The following KCNQ1 variants were observed in gnomAD, a reference collection of about 807,000 sequenced individuals.
KCNQ1 encodes potassium voltage-gated channel subfamily Q member 1, also known as potassium voltage-gated channel subfamily KQT member 1.
KCNQ1 carries 49 observed loss-of-function variants against 72.4 expected under a neutral mutation model. The ratio of observed to expected loss-of-function variants is 0.68; its 90% CI spans 0.54 to 0.86. The LOEUF is 0.86. KCNQ1 is among the 40% of genes least tolerant of loss of function. The pLI, the probability that KCNQ1 is intolerant of heterozygous loss-of-function variation, is 0.00. For missense variants in KCNQ1, 790 were observed against 945.1 expected, an observed-to-expected ratio of 0.84 and a Z score of 2.15; for synonymous variants, 450 against 412.6, an observed-to-expected ratio of 1.09 and a Z score of -1.10.
At chr11:2,629,825 G>A (rs903811209) in intron 10 of KCNQ1, 1 of 397,070 alleles carries the variant, frequency 2.5e-6, no homozygotes, top group African/African-American at 2.1e-5. Flanking sequence ...GGTTTTTTTT[G>A]TGGAGTCTGT....
rs1400731790 is a variant in KCNQ1, at chr11:2,450,261, C to T, written c.386+4777C>T. Among the ~76,000 whole-genome samples the T allele has an allele frequency of 1.3e-5, 2 of 152,194 alleles. No homozygotes were observed. Among genetic ancestry groups the T allele is most frequent in the African/African-American group, 4.8e-5 (2 of 41,446 alleles). ...AGACAGCTCCCAAGGGCGGTGATGC[C>T]AGGAGAACATTCCAGGCCCAGGAAG... On this transcript the variant is annotated intron_variant, in intron 1 of 15. Transcript: ENST00000155840. This position sits in a 1 kb window ranked among gnomAD's most constrained non-coding sequence, Gnocchi z 7.9.
chr11:2,689,214 TGCAGTGGTTTAG>T (rs1340151979), intron 11 of KCNQ1: 2 of 398,700 alleles, frequency 5.0e-6, no homozygotes, highest in Non-Finnish European at 8.8e-6. Context: ...CTGACTTTGA[TGCAGTGGTTTAG>T]GCCAAGCTTT....
Position 2,579,369 on chromosome 11 carries a change from C to T in KCNQ1, c.922-4066C>T, listed in dbSNP as rs1375870799. On this transcript the variant is annotated intron_variant, in intron 6 of 15. Coordinates refer to ENST00000155840, the MANE Select transcript of KCNQ1 (RefSeq NM_000218.3). The surrounding 1 kb of genome is among the most constrained non-coding windows in gnomAD (Gnocchi z 6.0). ...ACCAGTGGGGTGTGCGTTCCCCGCT[C>T]GCCCCCACAGTTCCTGCCATGGGCG... 4.6e-5 allele frequency among the ~76,000 whole-genome samples: 7 copies of T among 152,184 alleles called. No homozygotes were observed. Among genetic ancestry groups the T allele is most frequent in the Non-Finnish European group, 1.0e-4 (7 of 68,032 alleles).
intron 11 of KCNQ1, among the ~76,000 whole-genome samples, chr11:2,730,033 TGCTGGGACCCCGAGA>T (rs1845826286): frequency 6.6e-6 from 1 of 152,076 alleles, no homozygotes; most frequent in South Asian, 2.1e-4. Flanking sequence ...GAGACCCATG[TGCTGGGACCCCGAGA>T]GCTAGGACAC....
Position 2,495,044 on chromosome 11 carries a change from G to A in KCNQ1, c.387-32884G>A, listed in dbSNP as rs974550620. 5.9e-5 allele frequency among the ~76,000 whole-genome samples: 9 copies of A among 152,016 alleles called. No individual in the cohort carries two copies. The South Asian group carries it at 6.2e-4, about 11-fold the overall frequency. On this transcript the variant is annotated intron_variant, in intron 1 of 15. Coordinates refer to ENST00000155840, the MANE Select transcript of KCNQ1 (RefSeq NM_000218.3). This position sits in a 1 kb window ranked among gnomAD's most constrained non-coding sequence, Gnocchi z 4.6. ...TTGTTGTTGGTCTATTCAGGGATTC[G>A]ACTTTTTCCTGGTTTAGTCTTGGAG...
At position 2,573,093 on chromosome 11, in the gene KCNQ1, C is replaced by G. The variant is rs543791519; in HGVS notation, c.921+107C>G. On this transcript the variant is annotated intron_variant, in intron 6 of 15. Transcript: ENST00000155840. Reference sequence around the variant, plus strand: ...AGACTTCGGGCCTTGGCAGGGGCTTCTCACCTGCACGCTCACAGGCCTCTG... The same window carrying G: ...AGACTTCGGGCCTTGGCAGGGGCTTGTCACCTGCACGCTCACAGGCCTCTG... The G allele has an allele frequency of 3.8e-6, 5 of 1,304,578 alleles. No homozygotes were observed. In the East Asian group the frequency reaches 1.2e-4, roughly 32 times the overall value. The allele number at this position is 1,304,578 out of a possible 1,614,324, so 80.8% of individuals were successfully genotyped here.
Position 2,468,616 on chromosome 11 carries a change from C to T in KCNQ1, c.386+23132C>T, listed in dbSNP as rs922653865. ...CCACGACCAGGCCACTGCTGCCCTA[C>T]CATCAGGCACGATGGATGGGCTTGT... On this transcript the variant is annotated intron_variant, in intron 1 of 15. Coordinates refer to ENST00000155840, the MANE Select transcript of KCNQ1 (RefSeq NM_000218.3). This position sits in a 1 kb window ranked among gnomAD's most constrained non-coding sequence, Gnocchi z 5.7. Among the ~76,000 whole-genome samples, 6 of 152,144 alleles carry T rather than the reference C, an allele frequency of 3.9e-5. No individual in the cohort carries two copies. Among genetic ancestry groups the T allele is most frequent in the Non-Finnish European group, 7.3e-5 (5 of 68,038 alleles).
At chr11:2,707,018 A>G (rs2133913287) in intron 11 of KCNQ1, among the ~76,000 whole-genome samples, 1 of 152,290 alleles carries the variant, frequency 6.6e-6, no homozygotes, top group Non-Finnish European at 1.5e-5. Context: ...CACCAAATCC[A>G]TTTCCTTGGG....
In KCNQ1 at chr11:2,737,637, G is replaced by A. The variant is rs1211627209; in HGVS notation, c.1515-31207G>A. 2.6e-5 allele frequency among the ~76,000 whole-genome samples: 4 copies of A among 152,350 alleles called. No individual in the cohort carries two copies. The East Asian group carries it at 5.8e-4, about 22-fold the overall frequency. On this transcript the variant is annotated intron_variant, in intron 11 of 15. Coordinates refer to ENST00000155840, the MANE Select transcript of KCNQ1 (RefSeq NM_000218.3). ...TCCGTTCACGGCGAAGAAGCTTTGT[G>A]TAAAATGCCGGGAAGCCTTCGTGCT...
chr11:2,653,542 A>C lies in KCNQ1; in HGVS notation c.1394-8419A>C. On this transcript the variant is annotated intron_variant, in intron 10 of 15. Coordinates refer to ENST00000155840, the MANE Select transcript of KCNQ1 (RefSeq NM_000218.3). This position sits in a 1 kb window ranked among gnomAD's most constrained non-coding sequence, Gnocchi z 5.3. ...ACTTGCTCTCACTCTCCCCTCTTGC[A>C]CTCCCCTTCTCCCTTCCCGTTCCCT... 1 of 397,518 alleles carries C rather than the reference A, an allele frequency of 2.5e-6. No individual in the cohort carries two copies. Among genetic ancestry groups the C allele is most frequent in the Non-Finnish European group, 4.4e-6 (1 of 225,880 alleles). The allele number at this position is 397,518 out of a possible 1,614,324, so 24.6% of individuals were successfully genotyped here.
At position 2,762,285 on chromosome 11, in the gene KCNQ1, T is replaced by TG. The variant is rs1296341396; in HGVS notation, c.1515-6558dup. 6.6e-6 allele frequency among the ~76,000 whole-genome samples: 1 copy of TG among 152,154 alleles called. No homozygotes were observed. The highest frequency in any genetic ancestry group is 2.4e-5 in the African/African-American group (1 of 41,430). ...GTTTGCGTTCCTTTAAAGACGTCTT[T>TG]GCCCATCCCAGGTCGTGAAAATATT... On this transcript the variant is annotated intron_variant, in intron 11 of 15. Transcript: ENST00000155840. This position sits in a 1 kb window ranked among gnomAD's most constrained non-coding sequence, Gnocchi z 4.3.
chr11:2,589,231 C>T (rs926508803), intron 10 of KCNQ1, among the ~76,000 whole-genome samples: 24 of 152,220 alleles, frequency 1.6e-4, no homozygotes, highest in Middle Eastern at 3.4e-3. Flanking sequence ...CTGGCAGGGA[C>T]GCCAGAGGGA....
rs1845399562 is a variant in KCNQ1 at position 2,668,064 on chromosome 11, G to A, written c.1514+5983G>A. On this transcript the variant is annotated intron_variant, in intron 11 of 15. Coordinates refer to ENST00000155840, the MANE Select transcript of KCNQ1 (RefSeq NM_000218.3). The surrounding 1 kb of genome is among the most constrained non-coding windows in gnomAD (Gnocchi z 4.3). ...GCCCACATTTGAACTTTATGCGGTGGGAATGATGCAACTCATACACCTTTG... is the reference window on the plus strand; with the variant it reads ...GCCCACATTTGAACTTTATGCGGTGAGAATGATGCAACTCATACACCTTTG... 2.5e-6 allele frequency: 1 copy of A among 398,568 alleles called. No homozygotes were observed. Among genetic ancestry groups the A allele is most frequent in the Non-Finnish European group, 4.4e-6 (1 of 226,060 alleles). 24.7% of individuals were successfully genotyped at this position (398,568 alleles called of 1,614,324 possible). A position where few individuals can be genotyped will look rare whatever the true frequency, so the allele number is the denominator to read the frequency against.
intron 10 of KCNQ1, chr11:2,648,777 A>G: frequency 2.5e-6 from 1 of 398,478 alleles, no homozygotes; most frequent in East Asian, 3.6e-5. Flanking sequence ...TTTCCATCCA[A>G]ATGAATTGTC....
rs1438923096 is a variant in KCNQ1 at position 2,572,106 on chromosome 11, C to G, written c.777C>G (p.Arg259=). The stretch of plus-strand genomic sequence containing the variant: ...TGGGCTCCGTGGTCTTCATCCACCG[C>G]CAGGTGGGTGGCCCGGGTTAGGGGT... ...RLLGSVVFIH[R]QELITTLYIG... is the part of the protein sequence containing the mutation. The change falls in exon 5 of 16, where the codon CGC becomes CGG. Residue 259 remains arginine (R), a synonymous_variant. Coordinates refer to ENST00000155840, the MANE Select transcript of KCNQ1 (RefSeq NM_000218.3). 1 of 1,610,390 alleles carries G rather than the reference C, an allele frequency of 6.2e-7. No homozygotes were observed. Among genetic ancestry groups the G allele is most frequent in the East Asian group, 2.2e-5 (1 of 44,848 alleles).
At chr11:2,680,210 A>T in intron 11 of KCNQ1, 5 of 282,556 alleles carry the variant, frequency 1.8e-5, no homozygotes, top group South Asian at 1.6e-4. Flanking sequence ...CCTAATTAAA[A>T]AAAAAAAAAA....
In KCNQ1 at chr11:2,682,607, G is replaced by A. The variant is rs1850417996; in HGVS notation, c.1514+20526G>A. The stretch of plus-strand genomic sequence containing the variant: ...CCAAGGCTGGTCTGGAGAGTGTAAG[G>A]CTTGAGAGCTCTTCTTCAGGCTCAG... On this transcript the variant is annotated intron_variant, in intron 11 of 15. Transcript: ENST00000155840. The surrounding 1 kb of genome is among the most constrained non-coding windows in gnomAD (Gnocchi z 5.8). 5.0e-6 allele frequency: 2 copies of A among 398,430 alleles called. No individual in the cohort carries two copies. The highest frequency in any genetic ancestry group is 1.3e-4 in the South Asian group (1 of 7,856). 24.7% of individuals were successfully genotyped at this position (398,430 alleles called of 1,614,324 possible).
rs956306416 is a variant in KCNQ1, at chr11:2,673,666, T to A, written c.1514+11585T>A. 1.0e-5 allele frequency: 4 copies of A among 398,650 alleles called. No homozygotes were observed. Among genetic ancestry groups the A allele is most frequent in the African/African-American group, 6.2e-5 (3 of 48,642 alleles). The allele number at this position is 398,650 out of a possible 1,614,324, so 24.7% of individuals were successfully genotyped here. A position where few individuals can be genotyped will look rare whatever the true frequency, so the allele number is the denominator to read the frequency against. On this transcript the variant is annotated intron_variant, in intron 11 of 15. Transcript: ENST00000155840. The surrounding 1 kb of genome is among the most constrained non-coding windows in gnomAD (Gnocchi z 4.5). Reference sequence around the variant, plus strand: ...CCCTGACTCATGTCCCTTGTCTGCATAGGTGTTTTCCTATAAATGTTTAAT... The same window carrying A: ...CCCTGACTCATGTCCCTTGTCTGCAAAGGTGTTTTCCTATAAATGTTTAAT...
intron 6 of KCNQ1, among the ~76,000 whole-genome samples, chr11:2,577,128 C>T (rs1461138775): frequency 6.6e-6 from 1 of 152,212 alleles, no homozygotes; most frequent in East Asian, 1.9e-4. Context: ...GAAAGGGCCT[C>T]CTGGTGAGGC....
Sources: gnomAD v4.1 joint callset for allele counts (sites outside exome capture counted in the v4.1 genomes callset) on GRCh38, gnomAD v4.1.1 for gene constraint, Gnocchi (gnomAD v3.1) non-coding constraint, MANE v1.5 for transcripts, NCBI Gene and HGNC (gene_info 2026-07-23, HGNC 2026-07-21) for gene names.